The following STX18 variants were observed in gnomAD, a reference collection of about 807,000 sequenced individuals.
STX18 encodes syntaxin-18.
STX18 carries 40 observed loss-of-function variants against 50.1 expected under a neutral mutation model. The ratio of observed to expected loss-of-function variants is 0.80; its 90% CI spans 0.62 to 1.04. STX18 has a LOEUF of 1.04. Ranked by LOEUF, STX18 falls within the 50% of genes least tolerant of loss-of-function variation. The probability of loss-of-function intolerance (pLI) is 0.00; values close to 1 mark genes in which losing one functional copy is unlikely to be tolerated. For missense variants in STX18, 410 were observed against 415.8 expected, an observed-to-expected ratio of 0.99 and a Z score of 0.12; for synonymous variants, 158 against 151.8, an observed-to-expected ratio of 1.04 and a Z score of -0.30.
At chr4:4,449,489 G>A (rs1726632017) in intron 5 of STX18, among the ~76,000 whole-genome samples, 1 of 151,996 alleles carries the variant, frequency 6.6e-6, no homozygotes, top group African/African-American at 2.4e-5. Flanking sequence ...TGAGTTTCAC[G>A]GCCTCAACAC....
chr4:4,478,235 A>C (rs1560184453), intron 1 of STX18, among the ~76,000 whole-genome samples: 1 of 149,760 alleles, frequency 6.7e-6, no homozygotes, highest in African/African-American at 2.5e-5. Flanking sequence ...AAAAAAAAAA[A>C]ACAAAAACGT....
intron 2 of STX18, among the ~76,000 whole-genome samples, chr4:4,462,125 G>A (rs1327522039): frequency 6.6e-6 from 1 of 152,078 alleles, no homozygotes; most frequent in Non-Finnish European, 1.5e-5. Context: ...TGACACGTGG[G>A]TCTCCACTGT....
intron 2 of STX18, among the ~76,000 whole-genome samples, chr4:4,464,922 C>G (rs902907988): frequency 6.7e-6 from 1 of 148,856 alleles, no homozygotes; most frequent in Non-Finnish European, 1.5e-5. Flanking sequence ...TTGTGTGTGT[C>G]TCTATCTCCT....
At chr4:4,532,748 C>T (rs1432829065) in intron 1 of STX18, among the ~76,000 whole-genome samples, 1 of 152,184 alleles carries the variant, frequency 6.6e-6, no homozygotes, top group Non-Finnish European at 1.5e-5. Flanking sequence ...CAATTCGAAA[C>T]GTACACTTTT....
chr4:4,507,264 C>T (rs959516349), intron 1 of STX18: 4 of 695,066 alleles, frequency 5.8e-6, no homozygotes, highest in Admixed American at 1.8e-5. Context: ...ATAAAGAGTC[C>T]GGCATCTCCC....
At chr4:4,492,473 A>AG (rs1728985686) in intron 1 of STX18, among the ~76,000 whole-genome samples, 1 of 152,192 alleles carries the variant, frequency 6.6e-6, no homozygotes, top group Non-Finnish European at 1.5e-5. Flanking sequence ...CAGTGTTTGT[A>AG]GATTATCTGA....
At chr4:4,472,101 G>A (rs1395403414) in intron 1 of STX18, among the ~76,000 whole-genome samples, 1 of 152,192 alleles carries the variant, frequency 6.6e-6, no homozygotes, top group Non-Finnish European at 1.5e-5. Flanking sequence ...TAAAGCTGAA[G>A]CTGTTGCGTT....
intron 5 of STX18, among the ~76,000 whole-genome samples, chr4:4,449,958 G>C (rs1266626655): frequency 1.3e-5 from 2 of 152,102 alleles, no homozygotes; most frequent in Admixed American, 6.5e-5. Context: ...GCCCTTCCTT[G>C]TTCCAGGTTT....
At chr4:4,462,079 T>A (rs748984390) in intron 2 of STX18, 182 of 437,778 alleles carry the variant, frequency 4.2e-4, no homozygotes, top group Non-Finnish European at 7.0e-4. Flanking sequence ...AAAGCTTTGT[T>A]TGCTGACCTA....
chr4:4,493,280 C>T (rs1051535633), intron 1 of STX18, among the ~76,000 whole-genome samples: 2 of 145,910 alleles, frequency 1.4e-5, no homozygotes, highest in African/African-American at 5.0e-5. Context: ...CAGGCATTCC[C>T]AACCCCCCCG....
At chr4:4,454,131 G>T (rs1237362046) in intron 5 of STX18, among the ~76,000 whole-genome samples, 1 of 152,222 alleles carries the variant, frequency 6.6e-6, no homozygotes, top group East Asian at 1.9e-4. Flanking sequence ...TCTAGCCTTT[G>T]TAAGACATGG....
intron 2 of STX18, 106 bp downstream of exon 2, chr4:4,471,533 C>T: frequency 1.4e-6 from 1 of 718,754 alleles, no homozygotes; most frequent in Non-Finnish European, 2.2e-6. Flanking sequence ...TTCCTCATTA[C>T]AACTCTGAGT....
chr4:4,508,281 C>T (rs763611196), intron 1 of STX18, among the ~76,000 whole-genome samples: 5 of 152,120 alleles, frequency 3.3e-5, no homozygotes, highest in South Asian at 2.1e-4. Flanking sequence ...ACATATCCCC[C>T]GTTTTTGCTT....
At chr4:4,496,936 C>T (rs1481430897) in intron 1 of STX18, among the ~76,000 whole-genome samples, 1 of 152,134 alleles carries the variant, frequency 6.6e-6, no homozygotes, top group African/African-American at 2.4e-5. Flanking sequence ...TTCATAAGGC[C>T]AGGACAAACT....
At chr4:4,437,045 C>T (rs941214792) in intron 6 of STX18, among the ~76,000 whole-genome samples, 15 of 149,786 alleles carry the variant, frequency 1.0e-4, no homozygotes, top group Middle Eastern at 3.5e-3. Flanking sequence ...CTGCAACTTC[C>T]GCCTCCCAGG....
intron 1 of STX18, among the ~76,000 whole-genome samples, chr4:4,486,043 C>T (rs945956550): frequency 6.6e-6 from 1 of 152,200 alleles, no homozygotes; most frequent in South Asian, 2.1e-4. Context: ...ATGGTAACTC[C>T]CAGCTGGTTC....
intron 1 of STX18, among the ~76,000 whole-genome samples, chr4:4,516,102 A>G (rs914341816): frequency 6.6e-6 from 1 of 152,308 alleles, no homozygotes; most frequent in East Asian, 1.9e-4. Context: ...ACAAAACCCT[A>G]TGTTTGTTCA....
At chr4:4,470,797 G>C (rs537035316) in intron 2 of STX18, among the ~76,000 whole-genome samples, 2 of 152,318 alleles carry the variant, frequency 1.3e-5, no homozygotes, top group African/African-American at 4.8e-5. Context: ...GGCATGGCTG[G>C]AGCACCGTCG....
At chr4:4,503,732 T>TGTGA (rs536328570) in intron 1 of STX18, among the ~76,000 whole-genome samples, 40 of 152,186 alleles carry the variant, frequency 2.6e-4, no homozygotes, top group Admixed American at 1.2e-3. Context: ...GAAATGGAAA[T>TGTGA]GTGAGTTCAA....
Sources: gnomAD v4.1 joint callset for allele counts (sites outside exome capture counted in the v4.1 genomes callset) on GRCh38, gnomAD v4.1.1 for gene constraint, MANE v1.5 for transcripts, NCBI Gene and HGNC (gene_info 2026-07-23, HGNC 2026-07-21) for gene names.